Variants in THSD4 observed in about 807,000 individuals in gnomAD.
The protein encoded by THSD4 is thrombospondin type-1 domain-containing protein 4.
A neutral mutation model predicts 119.0 loss-of-function variants in THSD4; 69 were observed. The ratio of observed to expected loss-of-function variants is 0.58; its 90% CI spans 0.48 to 0.71. The LOEUF is 0.71. Ranked by LOEUF, THSD4 falls within the 30% of genes least tolerant of loss-of-function variation. The pLI is 0.00. For missense variants in THSD4, 1,393 were observed against 1,391.1 expected, an observed-to-expected ratio of 1.00 and a Z score of -0.02; for synonymous variants, 524 against 540.4, an observed-to-expected ratio of 0.97 and a Z score of 0.42.
chr15:71,403,383 AATT>A (rs1335750303), intron 6 of THSD4, among the ~76,000 whole-genome samples: 1 of 152,222 alleles, frequency 6.6e-6, no homozygotes, highest in Non-Finnish European at 1.5e-5. Context: ...GGCATTACTC[AATT>A]ATTGTTCAGC....
At chr15:71,637,721 A>G (rs1390328140) in intron 7 of THSD4, among the ~76,000 whole-genome samples, 1 of 151,470 alleles carries the variant, frequency 6.6e-6, no homozygotes, top group African/African-American at 2.4e-5. Context: ...ATGGTTGCAC[A>G]TTATGAATTT....
intron 8 of THSD4, among the ~76,000 whole-genome samples, chr15:71,665,934 C>T (rs182641542): frequency 2.6e-5 from 4 of 152,248 alleles, no homozygotes; most frequent in East Asian, 1.9e-4. Flanking sequence ...AGTCAGGTAA[C>T]GTGATGCTTC....
At chr15:71,147,164 T>C (rs2040670358) in intron 2 of THSD4, among the ~76,000 whole-genome samples, 1 of 152,222 alleles carries the variant, frequency 6.6e-6, no homozygotes, top group African/African-American at 2.4e-5. Flanking sequence ...TTAGAAAACA[T>C]TTTCTTGATG....
At chr15:71,638,078 T>C (rs1047777194) in intron 7 of THSD4, among the ~76,000 whole-genome samples, 2 of 152,178 alleles carry the variant, frequency 1.3e-5, no homozygotes, top group African/African-American at 4.8e-5. Flanking sequence ...GCTAAGATGG[T>C]AAATTTTATA....
intron 6 of THSD4, among the ~76,000 whole-genome samples, chr15:71,282,067 C>T (rs183319071): frequency 2.2e-4 from 34 of 152,304 alleles, no homozygotes; most frequent in Middle Eastern, 3.4e-3. Flanking sequence ...CACCTGACAC[C>T]TGGTATGGGC....
chr15:71,330,311 T>C (rs187222179), intron 6 of THSD4, among the ~76,000 whole-genome samples: 130 of 152,232 alleles, frequency 8.5e-4, no homozygotes, highest in African/African-American at 3.0e-3. Flanking sequence ...TCCTCAGAAA[T>C]GGGTATGACA....
chr15:71,104,495 C>G (rs1370451470), intron 1 of THSD4, among the ~76,000 whole-genome samples: 1 of 152,182 alleles, frequency 6.6e-6, no homozygotes, highest in Admixed American at 6.5e-5. Flanking sequence ...CACAAGATTG[C>G]CCTGTTAATG....
chr15:71,229,972 C>T (rs1567163618), intron 4 of THSD4, among the ~76,000 whole-genome samples: 1 of 152,188 alleles, frequency 6.6e-6, no homozygotes, highest in South Asian at 2.1e-4. Context: ...CTCTACGAGC[C>T]TTTCACATAA....
chr15:71,563,434 G>A (rs1302836017), intron 7 of THSD4, among the ~76,000 whole-genome samples: 1 of 152,128 alleles, frequency 6.6e-6, no homozygotes, highest in East Asian at 1.9e-4. Context: ...AAACATCTAA[G>A]AACTACGTGT....
chr15:71,111,267 G>A (rs1228996189), upstream of THSD4: 6 of 1,613,880 alleles, frequency 3.7e-6, no homozygotes, highest in South Asian at 4.4e-5. Flanking sequence ...GACACTTCAT[G>A]GGAATCCTTG....
chr15:71,472,108 G>A (rs2047588920), intron 7 of THSD4, among the ~76,000 whole-genome samples: 1 of 152,008 alleles, frequency 6.6e-6, no homozygotes, highest in Non-Finnish European at 1.5e-5. Flanking sequence ...GTAGAGACAG[G>A]GCCTCCCTAT....
chr15:71,708,430 A>G (rs2052436355), intron 8 of THSD4, among the ~76,000 whole-genome samples: 1 of 152,198 alleles, frequency 6.6e-6, no homozygotes, highest in African/African-American at 2.4e-5. Context: ...AGTGAAATGA[A>G]GACCTGTAGT....
In THSD4 at chr15:71,782,575, C is replaced by T. The variant is rs1595947064; in HGVS notation, c.*5201C>T. ...CCTGATAGGTATTTATTTACATATGCGATCCACATTTGTGTGAAAGCATGT... is the reference window on the plus strand; with the variant it reads ...CCTGATAGGTATTTATTTACATATGTGATCCACATTTGTGTGAAAGCATGT... On this transcript the variant is annotated 3_prime_UTR_variant, in exon 18 of 18. Transcript: ENST00000261862. 1.3e-5 allele frequency: 2 copies of T among 152,240 alleles called. No homozygotes were observed. The highest frequency in any genetic ancestry group is 2.4e-5 in the African/African-American group (1 of 41,532). The allele number at this position is 152,240 out of a possible 1,614,324, so 9.4% of individuals were successfully genotyped here.
chr15:71,446,105 G>T (rs1022312308), intron 7 of THSD4, among the ~76,000 whole-genome samples: 2 of 152,084 alleles, frequency 1.3e-5, no homozygotes, highest in Non-Finnish European at 2.9e-5. Flanking sequence ...AATCACCCAG[G>T]CCAGAAATAT....
chr15:71,474,510 C>T (rs113059735), intron 7 of THSD4, among the ~76,000 whole-genome samples: 14 of 152,094 alleles, frequency 9.2e-5, no homozygotes, highest in Admixed American at 5.9e-4. Flanking sequence ...CTTAAGCCAC[C>T]GCGCCTGGCC....
chr15:71,774,971 C>A (rs1445630886), intron 17 of THSD4, among the ~76,000 whole-genome samples: 1 of 151,906 alleles, frequency 6.6e-6, no homozygotes, highest in African/African-American at 2.4e-5. Flanking sequence ...ACAGTGAAAC[C>A]CCATCTCTAC....
chr15:71,330,325 A>G (rs1011103646), intron 6 of THSD4, among the ~76,000 whole-genome samples: 2 of 152,174 alleles, frequency 1.3e-5, no homozygotes, highest in African/African-American at 4.8e-5. Context: ...TATGACATGT[A>G]CTTTCTAAAG....
intron 7 of THSD4, among the ~76,000 whole-genome samples, chr15:71,637,330 A>G (rs2050764229): frequency 6.6e-6 from 1 of 152,222 alleles, no homozygotes; most frequent in African/African-American, 2.4e-5. Flanking sequence ...TTCAGAAACC[A>G]TCTTGGGCTG....
At chr15:71,282,279 G>A (rs971645319) in intron 6 of THSD4, among the ~76,000 whole-genome samples, 9 of 152,036 alleles carry the variant, frequency 5.9e-5, no homozygotes, top group South Asian at 2.1e-4. Context: ...AAACCGTGGC[G>A]TCCAGCAGTC....
Sources: allele counts gnomAD v4.1 joint callset (sites outside exome capture counted in the v4.1 genomes callset), GRCh38; gene constraint gnomAD v4.1.1; transcripts MANE v1.5; gene names NCBI Gene and HGNC (gene_info 2026-07-23, HGNC 2026-07-21).